The following MPHOSPH9 variants were observed in gnomAD, a reference collection of about 807,000 sequenced individuals.
MPHOSPH9 encodes M-phase phosphoprotein 9.
MPHOSPH9 carries 88 observed loss-of-function variants against 145.5 expected under a neutral mutation model. The observed-to-expected ratio is 0.60, with a 90% CI of 0.51 to 0.72. The LOEUF is 0.72. Ranked by LOEUF, MPHOSPH9 falls within the 30% of genes least tolerant of loss-of-function variation. The pLI, the probability that MPHOSPH9 is intolerant of heterozygous loss-of-function variation, is 0.00. For missense variants in MPHOSPH9, 1,238 were observed against 1,386.6 expected (o/e 0.89, Z 1.70); for synonymous variants, 435 against 486.2 (o/e 0.89, Z 1.39).
At chr12:123,193,332 A>G (rs1305238913) in intron 13 of MPHOSPH9, among the ~76,000 whole-genome samples, 1 of 152,122 alleles carries the variant, frequency 6.6e-6, no homozygotes, top group Non-Finnish European at 1.5e-5. Flanking sequence ...AATAGCTAAA[A>G]GAGCTGAAAG....
At chr12:123,211,684 C>CTTTTTTTTT (rs147321517) in intron 7 of MPHOSPH9, among the ~76,000 whole-genome samples, 2 of 67,758 alleles carry the variant, frequency 3.0e-5, no homozygotes, top group African/African-American at 4.3e-5. Flanking sequence ...TAGACAATTT[C>CTTTTTTTTT]TTTTTTTTTT....
Position 123,202,177 on chromosome 12 carries a change from TTTGA to T in MPHOSPH9, c.1920_1923del (p.Asn640LysfsTer4), listed in dbSNP as rs2046251181. The T allele has an allele frequency of 6.2e-7, 1 of 1,608,640 alleles. No homozygotes were observed. The highest frequency in any genetic ancestry group is 8.5e-7 in the Non-Finnish European group (1 of 1,178,642). On this transcript the variant is annotated frameshift_variant, in exon 11 of 24. Transcript: ENST00000606320. LOFTEE classifies it high-confidence loss of function. ...TATAAATTTTACCTGTCTACAAGAA[TTTGA>T]TTGGTTATCTTCCAATCTTCAACTC... is the stretch of plus-strand genomic sequence containing the variant.
At chr12:123,212,766 C>CTTTTT (rs769159602) in intron 7 of MPHOSPH9, among the ~76,000 whole-genome samples, 25 of 93,896 alleles carry the variant, frequency 2.7e-4, no homozygotes, top group African/African-American at 5.7e-4. Context: ...CAATGGTCGA[C>CTTTTT]TTTTTTTTTT....
chr12:123,154,022 C>A (rs532029804), downstream of MPHOSPH9, among the ~76,000 whole-genome samples: 1 of 152,118 alleles, frequency 6.6e-6, no homozygotes, highest in Admixed American at 6.5e-5. Context: ...AGCACGGCCA[C>A]TTTAGCTACA....
At chr12:123,228,724 A>G (rs2047526384) in intron 2 of MPHOSPH9, among the ~76,000 whole-genome samples, 1 of 152,206 alleles carries the variant, frequency 6.6e-6, no homozygotes. Flanking sequence ...TGTTATCAGT[A>G]AAGGATTTTA....
intron 8 of MPHOSPH9, among the ~76,000 whole-genome samples, chr12:123,207,146 T>TTAAA (rs1555226707): frequency 3.5e-5 from 4 of 114,582 alleles, no homozygotes; most frequent in African/African-American, 1.3e-4. Flanking sequence ...CTAAAGTGGT[T>TTAAA]AAAAAAAAAA....
chr12:123,199,661 C>T (rs79169804), intron 11 of MPHOSPH9, among the ~76,000 whole-genome samples: 7,170 of 151,776 alleles, frequency 0.047, 309 homozygotes, highest in East Asian at 0.27. Context: ...GGCATGGTGG[C>T]GGGCGCCTGT....
downstream of MPHOSPH9, chr12:123,152,510 A>G (rs1394033290): frequency 2.2e-6 from 1 of 454,614 alleles, no homozygotes; most frequent in Non-Finnish European, 4.4e-6. Context: ...TCACTGTTAC[A>G]GTGAAATTGT....
chr12:123,216,594 T>TAATCC (rs1593219134), intron 6 of MPHOSPH9, among the ~76,000 whole-genome samples: 1 of 152,176 alleles, frequency 6.6e-6, no homozygotes, highest in East Asian at 1.9e-4. Flanking sequence ...CTCATGCTTG[T>TAATCC]AATCTCAGCA....
intron 23 of MPHOSPH9, among the ~76,000 whole-genome samples, 193 bp from the exon 24 acceptor site, chr12:123,157,101 T>C (rs146484100): frequency 5.9e-5 from 9 of 152,346 alleles, no homozygotes; most frequent in Non-Finnish European, 1.3e-4. Flanking sequence ...CTATTCCAAA[T>C]AACTGCTGTA....
At chr12:123,190,553 T>C (rs1217746051) in intron 13 of MPHOSPH9, among the ~76,000 whole-genome samples, 1 of 152,168 alleles carries the variant, frequency 6.6e-6, no homozygotes, top group African/African-American at 2.4e-5. Context: ...AATGTTTAAA[T>C]TAAAATGAAT....
chr12:123,239,600 C>T (rs1023251376), intron 1 of MPHOSPH9, among the ~76,000 whole-genome samples: 5 of 152,042 alleles, frequency 3.3e-5, no homozygotes, highest in Non-Finnish European at 5.9e-5. Flanking sequence ...GACGGGGTTT[C>T]ACCGTGTTAG....
rs200271044 is a variant in MPHOSPH9 at position 123,210,987 on chromosome 12, T to C, written c.1088-825A>G. Among the ~76,000 whole-genome samples, 157 of 123,778 alleles carry C rather than the reference T, an allele frequency of 1.3e-3. 1 individual carries two copies. Among genetic ancestry groups the C allele is most frequent in the East Asian group, 0.012 (34 of 2,944 alleles). 81.2% of individuals were successfully genotyped at this position (123,778 alleles called of 152,430 possible). On this transcript the variant is annotated intron_variant, in intron 7 of 23. Transcript: ENST00000606320. ...TTTGGTTTGTTTTTTCTTTTTTTTT[T>C]TTTTTTTTTTTTTTTGAGACAGAGT...
chr12:123,242,477 G>T (rs575050221), intron 1 of MPHOSPH9, among the ~76,000 whole-genome samples: 1 of 152,094 alleles, frequency 6.6e-6, no homozygotes, highest in Non-Finnish European at 1.5e-5. Flanking sequence ...AATCCAATTC[G>T]TATTTTTTTG....
intron 16 of MPHOSPH9, among the ~76,000 whole-genome samples, chr12:123,175,677 A>T (rs977547350): frequency 6.4e-5 from 1 of 15,508 alleles, no homozygotes. Context: ...CCCTCACCCC[A>T]CACCTCCTGC....
rs1347008915 is a variant in MPHOSPH9 at position 123,230,435 on chromosome 12, C to T, written c.-71G>A. On this transcript the variant is annotated 5_prime_UTR_variant, in exon 2 of 24. Coordinates refer to ENST00000606320, the MANE Select transcript of MPHOSPH9 (RefSeq NM_022782.4). ...TTGGGCTGTTTGAGAAAAATGAATC[C>T]GTGTCATCTTCAGAGGCTTCATCAT... 5 of 856,174 alleles carry T rather than the reference C, an allele frequency of 5.8e-6. No individual in the cohort carries two copies. Among genetic ancestry groups the T allele is most frequent in the Non-Finnish European group, 8.7e-6 (5 of 576,640 alleles). The allele number at this position is 856,174 out of a possible 1,614,324, so 53.0% of individuals were successfully genotyped here.
chr12:123,212,919 G>GTGTGAT (rs2138492354), intron 7 of MPHOSPH9, among the ~76,000 whole-genome samples: 1 of 149,882 alleles, frequency 6.7e-6, no homozygotes, highest in African/African-American at 2.4e-5. Flanking sequence ...GAGTGCAGTG[G>GTGTGAT]CACAATCTCG....
intron 13 of MPHOSPH9, among the ~76,000 whole-genome samples, chr12:123,183,817 G>A (rs913511401): frequency 2.6e-5 from 4 of 152,100 alleles, no homozygotes; most frequent in African/African-American, 9.7e-5. Context: ...CCAGGTGGCA[G>A]GACAGCAGGA....
chr12:123,156,700 C>A lies in MPHOSPH9; in HGVS notation c.*107G>T. 2 of 667,128 alleles carry A rather than the reference C, an allele frequency of 3.0e-6. No individual in the cohort carries two copies. Among genetic ancestry groups the A allele is most frequent in the African/African-American group, 1.8e-5 (1 of 55,878 alleles). The allele number at this position is 667,128 out of a possible 1,614,324, so 41.3% of individuals were successfully genotyped here. A position where few individuals can be genotyped will look rare whatever the true frequency, so the allele number is the denominator to read the frequency against. On this transcript the variant is annotated 3_prime_UTR_variant, in exon 24 of 24. Transcript: ENST00000606320. The stretch of plus-strand genomic sequence containing the variant: ...GTGTAAGAATAGCATGATTGTAAAA[C>A]TACTGTTTGAAGGCTTATAAACAGT...
Sources: gnomAD v4.1 joint callset for allele counts (sites outside exome capture counted in the v4.1 genomes callset) on GRCh38, gnomAD v4.1.1 for gene constraint, MANE v1.5 for transcripts, NCBI Gene and HGNC (gene_info 2026-07-23, HGNC 2026-07-21) for gene names.